CCL28: variants seen among roughly 807,000 people sequenced by gnomAD.
CCL28 encodes the protein C-C motif chemokine ligand 28.
A neutral mutation model predicts 7.1 loss-of-function variants in CCL28; 4 were observed. That is an observed-to-expected ratio of 0.56 (90% CI 0.28 to 1.29). The LOEUF (loss-of-function observed/expected upper bound fraction) is 1.29, where lower values mean the gene tolerates loss of function less well. Among genes scored for constraint, CCL28 ranks in the 50% most tolerant of loss-of-function variants. The pLI, the probability that CCL28 is intolerant of heterozygous loss-of-function variation, is 0.11. For synonymous variants in CCL28, 55 were observed against 57.8 expected (o/e 0.95, Z 0.22); for missense variants, 151 against 163.4 (o/e 0.92, Z 0.41).
At chr5:43,401,517 C>A (rs1741038890) in intron 1 of CCL28, among the ~76,000 whole-genome samples, 1 of 152,142 alleles carries the variant, frequency 6.6e-6, no homozygotes, top group Non-Finnish European at 1.5e-5. Flanking sequence ...TACTAGCTGA[C>A]CTTGGGTGAG....
At chr5:43,382,494 T>G (rs893134687) in intron 2 of CCL28, among the ~76,000 whole-genome samples, 1 of 152,204 alleles carries the variant, frequency 6.6e-6, no homozygotes, top group Non-Finnish European at 1.5e-5. Context: ...GATTTGTAGA[T>G]TCTCTCAGCT....
chr5:43,388,208 G>A (rs112305768), intron 2 of CCL28, 142 bp downstream of exon 2: 2 of 1,062,852 alleles, frequency 1.9e-6, no homozygotes, highest in African/African-American at 3.2e-5. Flanking sequence ...GGGGCCTAAT[G>A]GACAGAATAT....
intron 1 of CCL28, among the ~76,000 whole-genome samples, chr5:43,405,682 C>T (rs1014244899): frequency 1.3e-5 from 2 of 152,090 alleles, no homozygotes; most frequent in Non-Finnish European, 2.9e-5. Flanking sequence ...AACAAAAAAC[C>T]ATTCAAAAAA....
downstream of CCL28, among the ~76,000 whole-genome samples, chr5:43,378,468 A>G (rs1362398447): frequency 3.3e-5 from 5 of 152,182 alleles, no homozygotes; most frequent in Admixed American, 6.5e-5. Context: ...TAAATCGCAC[A>G]CCTATATTAC....
intron 1 of CCL28, among the ~76,000 whole-genome samples, chr5:43,409,609 C>T (rs1018682965): frequency 2.0e-5 from 3 of 151,934 alleles, no homozygotes; most frequent in African/African-American, 2.4e-5. Context: ...AAAAGGTAAA[C>T]GTTTTAGGAT....
chr5:43,410,087 A>G (rs1270080008), intron 1 of CCL28, among the ~76,000 whole-genome samples: 8 of 152,222 alleles, frequency 5.3e-5, no homozygotes, highest in Admixed American at 5.2e-4. Context: ...GAAACAAAAT[A>G]TATTTCCCAA....
chr5:43,368,682 G>T, the CCL28 span, among the ~76,000 whole-genome samples: 1 of 152,134 alleles, frequency 6.6e-6, no homozygotes, highest in African/African-American at 2.4e-5. Context: ...CCCTAATCCA[G>T]TATGACTGAG....
At chr5:43,373,381 A>G (rs966427295), downstream of CCL28, among the ~76,000 whole-genome samples, 1 of 151,500 alleles carries the variant, frequency 6.6e-6, no homozygotes, top group Non-Finnish European at 1.5e-5. Flanking sequence ...GCTCACTGCA[A>G]CCTCCGCCTC....
chr5:43,404,925 A>G (rs1229007931), intron 1 of CCL28, among the ~76,000 whole-genome samples: 4 of 152,232 alleles, frequency 2.6e-5, no homozygotes, highest in African/African-American at 9.6e-5. Context: ...CCATTACATA[A>G]CGGTAAAGGT....
chr5:43,367,530 A>G, the CCL28 span, among the ~76,000 whole-genome samples: 4 of 152,150 alleles, frequency 2.6e-5, no homozygotes, highest in African/African-American at 9.7e-5. Flanking sequence ...GGGATGCCCC[A>G]CCCTGCTTTG....
chr5:43,406,973 T>C (rs1741306426), intron 1 of CCL28, among the ~76,000 whole-genome samples: 1 of 152,136 alleles, frequency 6.6e-6, no homozygotes, highest in Admixed American at 6.5e-5. Flanking sequence ...TACAAACCAC[T>C]GCTCAATGAA....
chr5:43,362,655 T>C, the CCL28 span, among the ~76,000 whole-genome samples: 65 of 152,210 alleles, frequency 4.3e-4, no homozygotes, highest in Non-Finnish European at 8.4e-4. Context: ...ATATGTTTGC[T>C]CTGGAAATAA....
intron 2 of CCL28, among the ~76,000 whole-genome samples, chr5:43,386,166 C>T (rs1414509980): frequency 1.3e-5 from 2 of 152,206 alleles, no homozygotes; most frequent in Non-Finnish European, 2.9e-5. Flanking sequence ...AGATTTAGTG[C>T]AGCTGTGTCC....
At chr5:43,404,308 C>T (rs143736764) in intron 1 of CCL28, among the ~76,000 whole-genome samples, 12,426 of 152,164 alleles carry the variant, frequency 0.082, 900 homozygotes, top group African/African-American at 0.19. Flanking sequence ...ACAGCTGATC[C>T]CTCAGCAGAA....
chr5:43,393,346 GTT>G (rs10716059), intron 1 of CCL28, among the ~76,000 whole-genome samples: 4 of 145,858 alleles, frequency 2.7e-5, no homozygotes, highest in South Asian at 2.2e-4. Context: ...CCTTTCTTCC[GTT>G]TTTTTTTTTC....
At chr5:43,407,909 T>C (rs538891386) in intron 1 of CCL28, among the ~76,000 whole-genome samples, 14 of 152,088 alleles carry the variant, frequency 9.2e-5, no homozygotes, top group Non-Finnish European at 1.8e-4. Context: ...TCACTGGCCA[T>C]CAGAGAAATG....
the CCL28 span, among the ~76,000 whole-genome samples, chr5:43,365,409 A>G: frequency 6.6e-6 from 1 of 152,208 alleles, no homozygotes. Context: ...TCCTGTCATT[A>G]TGATGCTAGC....
intron 2 of CCL28, among the ~76,000 whole-genome samples, chr5:43,384,606 G>C (rs931467539): frequency 6.6e-6 from 1 of 151,520 alleles, no homozygotes; most frequent in African/African-American, 2.4e-5. Context: ...TGTAGGTGGA[G>C]AGTTTTGACT....
chr5:43,361,114 C>G, the CCL28 span, among the ~76,000 whole-genome samples: 2 of 152,130 alleles, frequency 1.3e-5, no homozygotes, highest in Non-Finnish European at 1.5e-5. Flanking sequence ...GAATAATAGC[C>G]TCCAACTCCA....
Sources: gnomAD v4.1 joint callset for allele counts (sites outside exome capture counted in the v4.1 genomes callset) on GRCh38, gnomAD v4.1.1 for gene constraint, MANE v1.5 for transcripts, NCBI Gene and HGNC (gene_info 2026-07-23, HGNC 2026-07-21) for gene names.